DCTN1: variants seen among roughly 807,000 people sequenced by gnomAD.
The protein encoded by DCTN1 is 150 kDa dynein-associated polypeptide.
Under a neutral mutation model 161.2 loss-of-function variants are expected in DCTN1, and 61 were observed. That is an observed-to-expected ratio of 0.38 (90% CI 0.31 to 0.47). The LOEUF (loss-of-function observed/expected upper bound fraction) is 0.47, where lower values mean the gene tolerates loss of function less well. DCTN1 is among the 20% of genes least tolerant of loss of function. The pLI, the probability that DCTN1 is intolerant of heterozygous loss-of-function variation, is 0.99. For synonymous variants in DCTN1, 653 were observed against 632.4 expected, an observed-to-expected ratio of 1.03 and a Z score of -0.49; for missense variants, 1,404 against 1,623.7, an observed-to-expected ratio of 0.86 and a Z score of 2.33.
chr2:74,370,958 C>G lies in DCTN1; in HGVS notation c.843+21G>C. On this transcript the variant is annotated intron_variant, in intron 9 of 31. Coordinates refer to ENST00000628224, the MANE Select transcript of DCTN1 (RefSeq NM_004082.5). The surrounding 1 kb of genome is among the most constrained non-coding windows in gnomAD (Gnocchi z 4.4). ...TTAGGTCTCAGGCTGCCCCAGCCAC[C>G]CCCTTCATCCAGAGTCAAACCTTTC... 1 of 1,613,372 alleles carries G rather than the reference C, an allele frequency of 6.2e-7. No individual in the cohort carries two copies. Among genetic ancestry groups the G allele is most frequent in the South Asian group, 1.1e-5 (1 of 91,060 alleles).
At chr2:74,391,865 G>A (rs942571815) in exon 1 of DCTN1, 7 of 452,758 alleles carry the variant, frequency 1.5e-5, no homozygotes, top group African/African-American at 6.0e-5. Flanking sequence ...TGCGGGGCCG[G>A]CCCCGCCCTC....
intron 6 of DCTN1, among the ~76,000 whole-genome samples, chr2:74,373,772 G>A (rs1443806112): frequency 6.6e-6 from 1 of 152,200 alleles, no homozygotes; most frequent in Non-Finnish European, 1.5e-5. Flanking sequence ...GACAAGATTT[G>A]GCTTGGGCCC....
chr2:74,385,333 C>T (rs948971770), upstream of DCTN1: 6 of 152,312 alleles, frequency 3.9e-5, no homozygotes, highest in African/African-American at 9.6e-5. Flanking sequence ...GGCACTCAGC[C>T]CTGCACTCAA....
intron 4 of DCTN1, 33 bp from the exon 5 acceptor site, chr2:74,376,795 G>A: frequency 1.3e-6 from 2 of 1,593,540 alleles, no homozygotes; most frequent in Non-Finnish European, 1.7e-6. Flanking sequence ...CAGAGTTAGA[G>A]AACAGATGTC....
intron 1 of DCTN1, among the ~76,000 whole-genome samples, chr2:74,389,812 A>G (rs1675911277): frequency 6.6e-6 from 1 of 152,224 alleles, no homozygotes; most frequent in Admixed American, 6.6e-5. Flanking sequence ...AAAGTTCTGT[A>G]AAGTGTCATA....
At chr2:74,373,285 C>G (rs1320029326) in intron 6 of DCTN1, 1 of 405,320 alleles carries the variant, frequency 2.5e-6, no homozygotes, top group Non-Finnish European at 4.7e-6. Context: ...TCCCATGAGA[C>G]CAGTCCTCCT....
rs758731839 is a variant in DCTN1, at chr2:74,371,168, C to T, written c.654G>A (p.Glu218=). 85 of 1,613,448 alleles carry T rather than the reference C, an allele frequency of 5.3e-5. No homozygotes were observed. The highest frequency in any genetic ancestry group is 5.8e-5 in the Non-Finnish European group (68 of 1,180,034). ...GGTCCCGCACCTGAGCCCTTAGTCC[C>T]TCCTCCTCCTGCAAAGGAGAGGCCT... ...PPLPSPSKEE[E]GLRAQVRDLE... The change falls in exon 9 of 32, where the codon GAG becomes GAA. Residue 218 remains glutamate, a synonymous_variant. Coordinates refer to ENST00000628224, the MANE Select transcript of DCTN1 (RefSeq NM_004082.5).
rs935065519 is a variant in DCTN1 at position 74,380,158 on chromosome 2, A to C, written c.-121T>G. ...TAGAGGGACACAGGAGTCGTCAGGC[A>C]CAGCCCTCCCCAGTCCATGGGCCTC... On this transcript the variant is annotated 5_prime_UTR_variant, in exon 1 of 32. Transcript: ENST00000628224. 1 of 1,077,424 alleles carries C rather than the reference A, an allele frequency of 9.3e-7. No individual in the cohort carries two copies. Among genetic ancestry groups the C allele is most frequent in the African/African-American group, 1.5e-5 (1 of 64,658 alleles). 66.7% of individuals were successfully genotyped at this position (1,077,424 alleles called of 1,614,324 possible).
At chr2:74,367,442 A>G (rs1431965563) in intron 18 of DCTN1, 22 bp from the exon 19 acceptor site, 1 of 1,613,932 alleles carries the variant, frequency 6.2e-7, no homozygotes, top group African/African-American at 1.3e-5. Flanking sequence ...TAACAGACAG[A>G]CAACTTTTAG....
intron 8 of DCTN1, 173 bp from the exon 9 acceptor site, chr2:74,371,349 A>C: frequency 6.9e-7 from 1 of 1,443,706 alleles, no homozygotes. Flanking sequence ...TATATGGGGA[A>C]AGTATGGCAT....
rs528800271 is a variant in DCTN1, at chr2:74,371,554, G to A, written c.628C>T (p.Leu210Phe). 1.9e-6 allele frequency: 3 copies of A among 1,578,284 alleles called. No homozygotes were observed. In the East Asian group the frequency reaches 6.9e-5, roughly 36 times the overall value. The stretch of plus-strand genomic sequence containing the variant: ...GGCCTTACCTTGGATGGGGAAGGAA[G>A]CGGGGGGACTGCTCCAGGAGAGGTG... ...VLTSPGAVPP[L>F]PSPSKEEEGL... Residue 210 changes from leucine (L) to phenylalanine (F), a missense_variant, in exon 8 of 32, where the codon CTT becomes TTT. Physicochemically the swap from Leu to Phe is conservative, Grantham distance 22. Around this residue, in one of 9 missense-constraint regions of DCTN1, gnomAD observed 174 missense variants for 175.6 expected, o/e 0.99. Transcript: ENST00000628224.
At chr2:74,362,819 C>G (rs899763468) in intron 29 of DCTN1, 90 bp from the exon 30 acceptor site, 1 of 1,374,054 alleles carries the variant, frequency 7.3e-7, no homozygotes, top group African/African-American at 1.4e-5. Flanking sequence ...ATAAGACTCT[C>G]TAACAGAACA....
rs913219645 is a variant in DCTN1 at position 74,361,975 on chromosome 2, C to T, written c.3699+77G>A. On this transcript the variant is annotated intron_variant, in intron 31 of 31. Coordinates refer to ENST00000628224, the MANE Select transcript of DCTN1 (RefSeq NM_004082.5). ...GTTAGACCTGAGACTCCAAAGGCCT[C>T]CTCCAATTCTGGAGGAGAGGGGGGC... is the stretch of plus-strand genomic sequence containing the variant. 5.3e-5 allele frequency: 78 copies of T among 1,484,440 alleles called. 1 individual carries two copies. The highest frequency in any genetic ancestry group is 6.6e-5 in the Non-Finnish European group (70 of 1,064,794). The allele number at this position is 1,484,440 out of a possible 1,614,324, so 92.0% of individuals were successfully genotyped here. A position where few individuals can be genotyped will look rare whatever the true frequency, so the allele number is the denominator to read the frequency against.
In DCTN1 at chr2:74,373,337, G is replaced by A. The variant is rs899085095; in HGVS notation, c.433-389C>T. 28 of 328,190 alleles carry A rather than the reference G, an allele frequency of 8.5e-5. 1 individual carries two copies. Among genetic ancestry groups the A allele is most frequent in the South Asian group, 4.3e-4 (15 of 35,280 alleles). 20.3% of individuals were successfully genotyped at this position (328,190 alleles called of 1,614,324 possible). ...ACTCCAGTCCAGAGCCAGAGGCCCC[G>A]CCCAGCCACCACTCCCAAGGACTTT... On this transcript the variant is annotated intron_variant, in intron 6 of 31. Transcript: ENST00000628224.
intron 2 of DCTN1, 112 bp from the exon 3 acceptor site, chr2:74,377,838 C>T: frequency 6.9e-7 from 1 of 1,451,894 alleles, no homozygotes; most frequent in South Asian, 1.2e-5. Flanking sequence ...TACAGGGCAG[C>T]TTCCCTAAGG....
intron 1 of DCTN1, chr2:74,390,643 T>C (rs763411829): frequency 4.3e-6 from 2 of 468,574 alleles, no homozygotes; most frequent in South Asian, 3.1e-5. Context: ...CTGGAAAACA[T>C]GGTCTCTAAC....
At chr2:74,362,194 A>T in intron 30 of DCTN1, 53 bp from the exon 31 acceptor site, 1 of 1,538,298 alleles carries the variant, frequency 6.5e-7, no homozygotes, top group Non-Finnish European at 9.0e-7. Context: ...CCCACAGGCT[A>T]GCACAAGACC....
In DCTN1 at chr2:74,366,801, T is replaced by C. The variant is rs1130484; in HGVS notation, c.2448A>G (p.Ala816=). ...CTTAAACCTGTGGTCCAAAGGCCAG[T>C]GCAGCTGGGATCCCAGGAGCATCTG... ...PGTDAPGIPA[A]LAFGPQVSDT... The change falls in exon 21 of 32, where the codon GCA becomes GCG. Residue 816 remains alanine (A), a synonymous_variant. Coordinates refer to ENST00000628224, the MANE Select transcript of DCTN1 (RefSeq NM_004082.5). 14,410 of 1,614,236 alleles carry C rather than the reference T, an allele frequency of 8.9e-3. 155 individuals are homozygous for C. The highest frequency in any genetic ancestry group is 0.046 in the African/African-American group (3,420 of 75,052).
intron 7 of DCTN1, chr2:74,371,948 G>GCAGTGAAGCGGCCAGTT: frequency 1.8e-6 from 1 of 563,490 alleles, no homozygotes; most frequent in Non-Finnish European, 3.2e-6. Context: ...GGGGAGGATG[G>GCAGTGAAGCGGCCAGTT]AGGCAGAGGA....
Sources: gnomAD v4.1 joint callset for allele counts (sites outside exome capture counted in the v4.1 genomes callset) on GRCh38, gnomAD v4.1.1 for gene constraint, gnomAD v4.1.1 regional missense constraint, Gnocchi (gnomAD v3.1) non-coding constraint, MANE v1.5 for transcripts, NCBI Gene and HGNC (gene_info 2026-07-23, HGNC 2026-07-21) for gene names.